The following WDR11 variants were observed in gnomAD, a reference collection of about 807,000 sequenced individuals.
The protein encoded by WDR11 is WD repeat domain 11.
Under a neutral mutation model 151.2 loss-of-function variants are expected in WDR11, and 83 were observed. That is an observed-to-expected ratio of 0.55 (90% CI 0.46 to 0.66). The LOEUF is 0.66. Ranked by LOEUF, WDR11 falls within the 30% of genes least tolerant of loss-of-function variation. The pLI, the probability that WDR11 is intolerant of heterozygous loss-of-function variation, is 0.00. For synonymous variants in WDR11, 484 were observed against 533.1 expected (o/e 0.91, Z 1.27); for missense variants, 1,301 against 1,480.9 (o/e 0.88, Z 1.99).
chr10:120,898,737 G>A (rs1847701940), intron 19 of WDR11, among the ~76,000 whole-genome samples: 1 of 152,194 alleles, frequency 6.6e-6, no homozygotes, highest in Admixed American at 6.5e-5. Flanking sequence ...CATGTAAGAT[G>A]TGCCTTGCTT....
intron 4 of WDR11, 124 bp downstream of exon 4, chr10:120,860,406 G>T (rs1263441608): frequency 1.8e-6 from 2 of 1,128,702 alleles, no homozygotes; most frequent in African/African-American, 1.5e-5. Flanking sequence ...GCGAAGTGGA[G>T]AAGCATGTCT....
At chr10:120,869,978 C>G (rs963449603) in intron 9 of WDR11, among the ~76,000 whole-genome samples, 2 of 151,914 alleles carry the variant, frequency 1.3e-5, no homozygotes, top group Non-Finnish European at 2.9e-5. Flanking sequence ...TTAGTAGAGA[C>G]AGGGTTTCAC....
At chr10:120,866,968 T>G in intron 8 of WDR11, 98 bp from the exon 9 acceptor site, 1 of 1,121,474 alleles carries the variant, frequency 8.9e-7, no homozygotes, top group Non-Finnish European at 1.3e-6. Flanking sequence ...AATATAAAAA[T>G]AGATAGAATG....
chr10:120,897,554 G>A (rs1402514099), intron 19 of WDR11, among the ~76,000 whole-genome samples: 3 of 152,178 alleles, frequency 2.0e-5, no homozygotes, highest in Non-Finnish European at 4.4e-5. Flanking sequence ...GCAGTGAAAA[G>A]TACACAGCAT....
Position 120,865,735 on chromosome 10 carries a change from G to T in WDR11, c.985G>T (p.Glu329Ter), listed in dbSNP as rs1443712298. The T allele has an allele frequency of 6.3e-7, 1 of 1,594,210 alleles. No homozygotes were observed. The highest frequency in any genetic ancestry group is 1.7e-5 in the Admixed American group (1 of 59,878). The change falls in exon 7 of 29, where the codon GAG (glutamate) becomes TAG (stop). Residue 329 changes from glutamate to a stop codon, truncating the protein, a stop_gained. Coordinates refer to ENST00000263461, the MANE Select transcript of WDR11 (RefSeq NM_018117.12). LOFTEE classifies it high-confidence loss of function. ...TAATAACATTTTTACCACTTCAAAT[G>T]AGGAACCAGGTGAGTTTCTGTCTCA... ...SYNNIFTTSN[E>*]EPDPDPVQEL...
At chr10:120,902,210 TTTGA>T (rs758677530) in intron 21 of WDR11, 43 bp from the exon 22 acceptor site, 2 of 1,521,802 alleles carry the variant, frequency 1.3e-6, no homozygotes, top group East Asian at 2.3e-5. Context: ...TGCTTTATTG[TTTGA>T]TTGAAAACTT....
chr10:120,868,173 G>T (rs747042642), intron 9 of WDR11, among the ~76,000 whole-genome samples: 1 of 152,060 alleles, frequency 6.6e-6, no homozygotes, highest in Non-Finnish European at 1.5e-5. Flanking sequence ...AAGAGCATTG[G>T]CCAGGCGCAG....
chr10:120,858,947 T>C, intron 3 of WDR11, 151 bp downstream of exon 3: 1 of 959,946 alleles, frequency 1.0e-6, no homozygotes, highest in South Asian at 1.4e-5. Flanking sequence ...GATCTAAATC[T>C]GGCTTTCTGT....
chr10:120,904,712 C>T lies in WDR11; in HGVS notation c.3094C>T (p.Leu1032=). The change falls in exon 25 of 29, where the codon CTG becomes TTG. Residue 1032 remains leucine (L), a synonymous_variant. Transcript: ENST00000263461. ...ADNQHYYCDS[L]KACLVTTVTS... ...TAACCAGCATTATTACTGTGATTCACTGAAAGCCTGTTTAGTCACTACTGT... is the reference window on the plus strand; with the variant it reads ...TAACCAGCATTATTACTGTGATTCATTGAAAGCCTGTTTAGTCACTACTGT... 1 of 1,614,182 alleles carries T rather than the reference C, an allele frequency of 6.2e-7. No individual in the cohort carries two copies. Among genetic ancestry groups the T allele is most frequent in the Non-Finnish European group, 8.5e-7 (1 of 1,180,022 alleles).
At chr10:120,868,462 CA>C (rs951099350) in intron 9 of WDR11, among the ~76,000 whole-genome samples, 11 of 149,324 alleles carry the variant, frequency 7.4e-5, no homozygotes, top group East Asian at 3.9e-4. Context: ...ATCTCAAAAA[CA>C]AAAAAAAAGC....
chr10:120,866,731 A>G lies in WDR11; in HGVS notation c.1157A>G (p.Lys386Arg). The change falls in exon 8 of 29, where the codon AAG becomes AGG. Residue 386 changes from lysine (K) to arginine (R), a missense_variant. By Grantham distance (26) the Lys-to-Arg change is conservative. Around this residue, in one of 3 missense-constraint regions of WDR11, gnomAD observed 692 missense variants for 762.5 expected, o/e 0.91. Transcript: ENST00000263461. ...GGCAGGGTCATGATATGGGAACTCAAGTCTGCAGTTTGTAATCGAAATTCA... is the reference window on the plus strand; with the variant it reads ...GGCAGGGTCATGATATGGGAACTCAGGTCTGCAGTTTGTAATCGAAATTCA... ...SDGRVMIWEL[K>R]SAVCNRNSRN... The G allele has an allele frequency of 1.2e-6, 2 of 1,614,188 alleles. No homozygotes were observed. The highest frequency in any genetic ancestry group is 1.6e-4 in the Middle Eastern group (1 of 6,062).
In WDR11 at chr10:120,905,284, A is replaced by T. The variant is rs371137978; in HGVS notation, c.3194-35A>T. 7 of 1,598,658 alleles carry T rather than the reference A, an allele frequency of 4.4e-6. No homozygotes were observed. In the African/African-American group the frequency reaches 9.4e-5, roughly 21 times the overall value. ...AATGACTTCTCAAAGAAGGAGCTGCAGTGTCACTTAAGGGGATGCGCTTTT... is the reference window on the plus strand; with the variant it reads ...AATGACTTCTCAAAGAAGGAGCTGCTGTGTCACTTAAGGGGATGCGCTTTT... On this transcript the variant is annotated intron_variant, in intron 25 of 28. Transcript: ENST00000263461.
At chr10:120,860,041 A>C in intron 3 of WDR11, 68 bp from the exon 4 acceptor site, 2 of 1,582,148 alleles carry the variant, frequency 1.3e-6, no homozygotes, top group Non-Finnish European at 1.7e-6. Context: ...AATATCAAGG[A>C]CAAGTTAGCC....
At chr10:120,877,334 A>G (rs1326858457) in intron 11 of WDR11, among the ~76,000 whole-genome samples, 4 of 152,184 alleles carry the variant, frequency 2.6e-5, no homozygotes, top group African/African-American at 9.7e-5. Flanking sequence ...CTTCATTGCC[A>G]TTTTGAAAAT....
intron 28 of WDR11, 65 bp from the exon 29 acceptor site, chr10:120,908,491 C>T: frequency 1.3e-6 from 2 of 1,567,554 alleles, no homozygotes; most frequent in Non-Finnish European, 1.8e-6. Context: ...CTTCCTGCTT[C>T]TGGGAGCCTG....
At chr10:120,902,369 A>C (rs1416072641) in intron 22 of WDR11, 47 bp downstream of exon 22, 1 of 1,541,356 alleles carries the variant, frequency 6.5e-7, no homozygotes, top group African/African-American at 1.4e-5. Flanking sequence ...ATTTCAAGTT[A>C]ACTCATTTCT....
chr10:120,854,688 C>G lies in WDR11; in HGVS notation c.198+2053C>G, dbSNP rs564204558. ...CTCTGTTCTTTTGATTATAACCATC[C>G]TAATGGGTATGAATTGATTCTCATT... On this transcript the variant is annotated intron_variant, in intron 2 of 28. Transcript: ENST00000263461. Among the ~76,000 whole-genome samples, 188 of 152,280 alleles carry G rather than the reference C, an allele frequency of 1.2e-3. 1 individual carries two copies. Among genetic ancestry groups the G allele is most frequent in the African/African-American group, 4.5e-3 (186 of 41,564 alleles).
At chr10:120,899,188 G>A (rs1847720376) in intron 19 of WDR11, among the ~76,000 whole-genome samples, 2 of 152,130 alleles carry the variant, frequency 1.3e-5, no homozygotes, top group Admixed American at 6.5e-5. Context: ...GCTGCTGGAT[G>A]TGGGGGATGC....
At chr10:120,880,389 G>A (rs4751804) in intron 12 of WDR11, 59,466 of 160,468 alleles carry the variant, frequency 0.37, 11,173 homozygotes, top group Admixed American at 0.44. Flanking sequence ...ACTGGGCGCC[G>A]TGGCTCACAC....
Sources: gnomAD v4.1 joint callset for allele counts (sites outside exome capture counted in the v4.1 genomes callset) on GRCh38, gnomAD v4.1.1 for gene constraint, gnomAD v4.1.1 regional missense constraint, MANE v1.5 for transcripts, NCBI Gene and HGNC (gene_info 2026-07-23, HGNC 2026-07-21) for gene names.